DTX2: variants seen among roughly 807,000 people sequenced by gnomAD.
DTX2 encodes the protein deltex E3 ubiquitin ligase 2.
Under a neutral mutation model 55.3 loss-of-function variants are expected in DTX2, and 29 were observed. The observed-to-expected ratio is 0.52, with a 90% confidence interval of 0.39 to 0.71. The LOEUF (loss-of-function observed/expected upper bound fraction) is 0.71, where lower values mean the gene tolerates loss of function less well. Among genes scored for constraint, DTX2 ranks in the 30% least tolerant of loss-of-function variants. The pLI is 0.00. For synonymous variants in DTX2, 276 were observed against 340.4 expected (o/e 0.81, Z 2.08); for missense variants, 537 against 822.5 (o/e 0.65, Z 4.25).
intron 6 of DTX2, among the ~76,000 whole-genome samples, chr7:76,498,437 C>A (rs1175961096): frequency 6.6e-6 from 1 of 151,498 alleles, no homozygotes; most frequent in African/African-American, 2.4e-5. Flanking sequence ...GGGCTGGCAA[C>A]CTTCTGTGGC....
Position 76,505,545 on chromosome 7 carries a change from G to A in DTX2, c.1813G>A (p.Val605Met), listed in dbSNP as rs763999026. 8.7e-6 allele frequency: 14 copies of A among 1,607,378 alleles called. No individual in the cohort carries two copies. Among genetic ancestry groups the A allele is most frequent in the Middle Eastern group, 1.6e-4 (1 of 6,062 alleles). ...TCCCGACCCCAACTACCTGCAGAAC[G>A]TGCTGGCTGAGCTGGCTGCCCAGGG... ...GYPDPNYLQNVLAELAAQGVT... is the reference protein window; with the variant it reads ...GYPDPNYLQNMLAELAAQGVT... Residue 605 changes from valine to methionine, a missense_variant, in exon 11 of 11, where the codon GTG becomes ATG. By Grantham distance (21) the Val-to-Met change is conservative. This residue lies in a region of DTX2 where 59 missense variants were observed against 54.1 expected (regional missense o/e 1.09). Coordinates refer to ENST00000430490, the MANE Select transcript of DTX2 (RefSeq NM_001102594.3). The surrounding 1 kb of genome is among the most constrained non-coding windows in gnomAD (Gnocchi z 4.4).
chr7:76,474,255 A>C (rs1376636204), intron 2 of DTX2, among the ~76,000 whole-genome samples: 2 of 123,176 alleles, frequency 1.6e-5, no homozygotes, highest in South Asian at 5.0e-4. Flanking sequence ...GGGTCTTGCT[A>C]TGTTGCCCAG....
chr7:76,464,219 T>G, intron 2 of DTX2, among the ~76,000 whole-genome samples: 1 of 148,762 alleles, frequency 6.7e-6, no homozygotes, highest in Admixed American at 6.8e-5. Context: ...GAAGGAGGAG[T>G]AGGACTTAGA....
Position 76,505,722 on chromosome 7 carries a change from C to CACA in DTX2, c.*121_*122insACA. 1 of 1,078,280 alleles carries CACA rather than the reference C, an allele frequency of 9.3e-7. No homozygotes were observed. The highest frequency in any genetic ancestry group is 1.3e-6 in the Non-Finnish European group (1 of 757,226). The allele number at this position is 1,078,280 out of a possible 1,614,324, so 66.8% of individuals were successfully genotyped here. ...AGGTTTGTTGAGGGTGTGGGGTGTG[C>CACA]CCCACCTGAAGCCGGGGCTCCCCCT... is the stretch of plus-strand genomic sequence containing the variant. On this transcript the variant is annotated 3_prime_UTR_variant, in exon 11 of 11. Transcript: ENST00000430490. The surrounding 1 kb of genome is among the most constrained non-coding windows in gnomAD (Gnocchi z 4.4).
In DTX2 at chr7:76,480,401, C is replaced by T. The variant is rs1809041087; in HGVS notation, c.-89-20C>T. The T allele has an allele frequency of 5.6e-6, 7 of 1,257,102 alleles. No individual in the cohort carries two copies. Among genetic ancestry groups the T allele is most frequent in the Non-Finnish European group, 5.4e-6 (5 of 923,184 alleles). The allele number at this position is 1,257,102 out of a possible 1,614,324, so 77.9% of individuals were successfully genotyped here. ...CTACTGATGTGCATTGGTAACTGCT[C>T]ATGTCTGTCCTGTTCACAGATCTGC... On this transcript the variant is annotated intron_variant, in intron 2 of 10. Transcript: ENST00000430490.
At chr7:76,486,846 G>GGCTGCTGCTGCTGCTGCTGCT (rs370235862) in intron 4 of DTX2, among the ~76,000 whole-genome samples, 2 of 79,836 alleles carry the variant, frequency 2.5e-5, no homozygotes, top group African/African-American at 5.6e-5. Context: ...TGTTGTGGTG[G>GGCTGCTGCTGCTGCTGCTGCT]GCTGCTGCTG....
At position 76,505,238 on chromosome 7, in the gene DTX2, G is replaced by A. The variant is rs1812208914; in HGVS notation, c.1642-136G>A. On this transcript the variant is annotated intron_variant, in intron 10 of 10. Coordinates refer to ENST00000430490, the MANE Select transcript of DTX2 (RefSeq NM_001102594.3). This position sits in a 1 kb window ranked among gnomAD's most constrained non-coding sequence, Gnocchi z 4.4. ...CAGTTTTGGGGTCCCTGCAGATGGG[G>A]TGAGTGCCAGGGAGTGGATGAGTCA... 5.6e-6 allele frequency: 4 copies of A among 719,596 alleles called. No individual in the cohort carries two copies. Among genetic ancestry groups the A allele is most frequent in the South Asian group, 5.2e-5 (3 of 57,636 alleles). The allele number at this position is 719,596 out of a possible 1,614,324, so 44.6% of individuals were successfully genotyped here.
Position 76,505,223 on chromosome 7 carries a change from G to T in DTX2, c.1642-151G>T. On this transcript the variant is annotated intron_variant, in intron 10 of 10. Coordinates refer to ENST00000430490, the MANE Select transcript of DTX2 (RefSeq NM_001102594.3). The surrounding 1 kb of genome is among the most constrained non-coding windows in gnomAD (Gnocchi z 4.4). ...GTACTATCCAGTGGGCAGTTTTGGG[G>T]TCCCTGCAGATGGGGTGAGTGCCAG... 3.0e-6 allele frequency: 2 copies of T among 669,180 alleles called. No individual in the cohort carries two copies. The highest frequency in any genetic ancestry group is 3.6e-5 in the South Asian group (2 of 54,904). The allele number at this position is 669,180 out of a possible 1,614,324, so 41.5% of individuals were successfully genotyped here.
Position 76,503,473 on chromosome 7 carries a change from G to A in DTX2, c.1437G>A (p.Lys479=), listed in dbSNP as rs764509375. 1.2e-6 allele frequency: 2 copies of A among 1,613,070 alleles called. No homozygotes were observed. Among genetic ancestry groups the A allele is most frequent in the Non-Finnish European group, 1.7e-6 (2 of 1,179,966 alleles). ...CPSCKTIYGE[K]TGTQPQGKME... is the part of the protein sequence containing the mutation. ...CCTGCAAAACCATCTATGGAGAGAA[G>A]ACGGGGACCCAGCCCCAGGGAAAGA... The change falls in exon 9 of 11, where the codon AAG becomes AAA. Residue 479 remains lysine (K), a synonymous_variant. Transcript: ENST00000430490.
intron 2 of DTX2, among the ~76,000 whole-genome samples, chr7:76,473,005 TAATA>T (rs1200950397): frequency 6.6e-6 from 1 of 152,160 alleles, no homozygotes; most frequent in Non-Finnish European, 1.5e-5. Context: ...CCGTTTTTTT[TAATA>T]AATAGAGATG....
intron 4 of DTX2, among the ~76,000 whole-genome samples, chr7:76,483,875 G>A (rs1479142392): frequency 6.6e-6 from 1 of 151,908 alleles, no homozygotes; most frequent in African/African-American, 2.4e-5. Context: ...GCAACATAGC[G>A]AGACCCCATC....
chr7:76,495,720 C>T (rs1437589439), intron 5 of DTX2, among the ~76,000 whole-genome samples: 2 of 151,412 alleles, frequency 1.3e-5, no homozygotes, highest in African/African-American at 4.9e-5. Flanking sequence ...TCGTGGAACT[C>T]GTGCTGAGGG....
intron 8 of DTX2, chr7:76,502,932 C>T (rs1307954914): frequency 5.2e-5 from 11 of 210,652 alleles, no homozygotes; most frequent in African/African-American, 1.4e-4. Flanking sequence ...GGCCCCACAG[C>T]AGCCTACACA....
Position 76,483,163 on chromosome 7 carries a change from G to A in DTX2, c.908+16G>A, listed in dbSNP as rs10247123. On this transcript the variant is annotated intron_variant, in intron 4 of 10. Coordinates refer to ENST00000430490, the MANE Select transcript of DTX2 (RefSeq NM_001102594.3). ...GTGCAGTCAGGTATCGTGGGCAACGGCCGCTCGTTTTGTCTGCCCTGTGTT... is the reference window on the plus strand; with the variant it reads ...GTGCAGTCAGGTATCGTGGGCAACGACCGCTCGTTTTGTCTGCCCTGTGTT... 1.0e-3 allele frequency: 1,627 copies of A among 1,603,754 alleles called. 7 individuals are homozygous for A. In the African/African-American group the frequency reaches 0.02, roughly 20 times the overall value.
chr7:76,503,440 G>A lies in DTX2; in HGVS notation c.1404G>A (p.Gln468=). The A allele has an allele frequency of 6.2e-7, 1 of 1,612,728 alleles. No homozygotes were observed. ...YCNGNKDGSL[Q]CPSCKTIYGE... Reference sequence around the variant, plus strand: ...GCCTCTGTCAGGATGGAAGTCTGCAGTGTCCCTCCTGCAAAACCATCTATG... The same window carrying A: ...GCCTCTGTCAGGATGGAAGTCTGCAATGTCCCTCCTGCAAAACCATCTATG... The change falls in exon 9 of 11, where the codon CAG becomes CAA. Residue 468 remains glutamine (Q), a synonymous_variant. Coordinates refer to ENST00000430490, the MANE Select transcript of DTX2 (RefSeq NM_001102594.3).
chr7:76,480,228 C>A lies in DTX2; in HGVS notation c.-89-193C>A, dbSNP rs71562434. Among the ~76,000 whole-genome samples the A allele has an allele frequency of 5.2e-3, 771 of 148,218 alleles. 10 individuals carry two copies. The highest frequency in any genetic ancestry group is 0.016 in the Admixed American group (229 of 14,704). On this transcript the variant is annotated intron_variant, in intron 2 of 10. Coordinates refer to ENST00000430490, the MANE Select transcript of DTX2 (RefSeq NM_001102594.3). ...GCTGAGTTGTGAGGATTGCTTGAGA[C>A]CAGGAGTTTGAGGCTGCTGTGAGCC...
intron 6 of DTX2, among the ~76,000 whole-genome samples, chr7:76,498,251 ACTCGAAGCGC>A (rs1811149052): frequency 1.3e-5 from 2 of 148,726 alleles, no homozygotes; most frequent in Non-Finnish European, 3.0e-5. Context: ...TCTAGGAAAT[ACTCGAAGCGC>A]CTGGCATGCG....
At chr7:76,472,436 C>A (rs879803147) in intron 2 of DTX2, among the ~76,000 whole-genome samples, 810 of 137,100 alleles carry the variant, frequency 5.9e-3, no homozygotes, top group Admixed American at 0.053. Context: ...AGGGGATTCT[C>A]CTGCCTCAGC....
intron 7 of DTX2, among the ~76,000 whole-genome samples, chr7:76,501,085 G>A (rs991674509): frequency 2.0e-5 from 3 of 148,004 alleles, no homozygotes; most frequent in African/African-American, 7.4e-5. Context: ...ACTGAGCCAC[G>A]TTTTGGGGGC....
Sources: allele counts gnomAD v4.1 joint callset (sites outside exome capture counted in the v4.1 genomes callset), GRCh38; gene constraint gnomAD v4.1.1; regional missense constraint gnomAD v4.1.1; non-coding constraint Gnocchi (gnomAD v3.1); transcripts MANE v1.5; gene names NCBI Gene and HGNC (gene_info 2026-07-23, HGNC 2026-07-21).